The following LHFPL3 variants were observed in gnomAD, a reference collection of about 807,000 sequenced individuals.
LHFPL3 encodes LHFPL tetraspan subfamily member 3 protein.
A neutral mutation model predicts 19.3 loss-of-function variants in LHFPL3; 5 were observed. The ratio of observed to expected loss-of-function variants is 0.26; its 90% CI spans 0.14 to 0.54. The LOEUF is 0.54. Ranked by LOEUF, LHFPL3 falls within the 20% of genes least tolerant of loss-of-function variation. The probability of loss-of-function intolerance (pLI) is 0.94; values close to 1 mark genes in which losing one functional copy is unlikely to be tolerated. For missense variants in LHFPL3, 249 were observed against 307.4 expected (o/e 0.81, Z 1.42); for synonymous variants, 133 against 126.2 (o/e 1.05, Z -0.36).
At chr7:104,880,611 C>T (rs1431620939) in intron 2 of LHFPL3, among the ~76,000 whole-genome samples, 6 of 151,570 alleles carry the variant, frequency 4.0e-5, no homozygotes, top group Non-Finnish European at 8.8e-5. Flanking sequence ...GGTGACAGCA[C>T]ATCTCTTTAC....
chr7:104,831,985 C>T (rs1790961387), intron 2 of LHFPL3, among the ~76,000 whole-genome samples: 1 of 151,922 alleles, frequency 6.6e-6, no homozygotes, highest in African/African-American at 2.4e-5. Flanking sequence ...CCTGATTAGT[C>T]CTACAATCAT....
chr7:104,796,627 G>A (rs1386672928), intron 2 of LHFPL3: 1 of 152,486 alleles, frequency 6.6e-6, no homozygotes, highest in African/African-American at 2.4e-5. Context: ...GGAAGGACAT[G>A]ACAGGAAATC....
chr7:104,807,487 G>A (rs1214861429), intron 2 of LHFPL3, among the ~76,000 whole-genome samples: 3 of 152,126 alleles, frequency 2.0e-5, no homozygotes, highest in African/African-American at 4.8e-5. Context: ...AAATGTATAC[G>A]ACTCCAACTC....
Position 104,542,679 on chromosome 7 carries a change from C to T in LHFPL3, c.446-193996C>T, listed in dbSNP as rs79226345. 6.3e-3 allele frequency among the ~76,000 whole-genome samples: 953 copies of T among 152,230 alleles called. 13 individuals carry two copies. Among genetic ancestry groups the T allele is most frequent in the African/African-American group, 0.022 (916 of 41,542 alleles). On this transcript the variant is annotated intron_variant, in intron 1 of 2. Transcript: ENST00000424859. ...ATCGCAGGTGAGAAGTTGCTAAAAC[C>T]ACCCAGTGCATGGGGGGAGAGAAAA...
Position 104,499,759 on chromosome 7 carries a change from C to G in LHFPL3, c.445+170535C>G, listed in dbSNP as rs186784792. 9.3e-4 allele frequency among the ~76,000 whole-genome samples: 142 copies of G among 152,198 alleles called. 1 individual carries two copies. In the Middle Eastern group the frequency reaches 0.01, roughly 11 times the overall value. ...TAATGATCTCATCCATATTTTGAAG[C>G]AAGTTAATAAAATGCATGCAGTTAT... On this transcript the variant is annotated intron_variant, in intron 1 of 2. Transcript: ENST00000424859.
intron 1 of LHFPL3, among the ~76,000 whole-genome samples, chr7:104,338,190 C>T (rs972368352): frequency 2.1e-5 from 3 of 139,900 alleles, no homozygotes; most frequent in African/African-American, 8.2e-5. Context: ...GCTCCGCCTT[C>T]TGGGTTCACA....
intron 2 of LHFPL3, among the ~76,000 whole-genome samples, chr7:104,822,166 A>G (rs1256540182): frequency 6.6e-6 from 1 of 152,170 alleles, no homozygotes; most frequent in Non-Finnish European, 1.5e-5. Flanking sequence ...TCAATAGCCC[A>G]AGGTTCATAC....
At chr7:104,524,384 A>C (rs886285549) in intron 1 of LHFPL3, among the ~76,000 whole-genome samples, 3 of 152,190 alleles carry the variant, frequency 2.0e-5, no homozygotes, top group Non-Finnish European at 4.4e-5. Flanking sequence ...GGCTTAAAGC[A>C]TGCAACTCAT....
At chr7:104,702,336 T>C (rs1469003073) in intron 1 of LHFPL3, among the ~76,000 whole-genome samples, 3 of 152,178 alleles carry the variant, frequency 2.0e-5, no homozygotes, top group Non-Finnish European at 4.4e-5. Context: ...CTGCATTATT[T>C]TGGATTCCTT....
chr7:104,339,130 C>T (rs1332162264), intron 1 of LHFPL3, among the ~76,000 whole-genome samples: 1 of 152,098 alleles, frequency 6.6e-6, no homozygotes, highest in African/African-American at 2.4e-5. Context: ...TGCCTGTAAT[C>T]CCAGCTACTC....
At chr7:104,458,725 T>TAA (rs56023324) in intron 1 of LHFPL3, among the ~76,000 whole-genome samples, 11,559 of 143,008 alleles carry the variant, frequency 0.081, 474 homozygotes, top group Middle Eastern at 0.096. Context: ...CTTTCTTTCT[T>TAA]AAAAAAAAAA....
intron 2 of LHFPL3, among the ~76,000 whole-genome samples, chr7:104,784,161 A>G (rs1789868649): frequency 6.6e-6 from 1 of 152,218 alleles, no homozygotes; most frequent in African/African-American, 2.4e-5. Context: ...ACTGACTCTC[A>G]ATCTTTAAAT....
intron 1 of LHFPL3, among the ~76,000 whole-genome samples, chr7:104,354,290 T>G (rs1265412307): frequency 2.6e-5 from 4 of 152,260 alleles, no homozygotes; most frequent in Non-Finnish European, 5.9e-5. Context: ...TCCATTGCCC[T>G]GGCAACAGAT....
intron 1 of LHFPL3, among the ~76,000 whole-genome samples, chr7:104,332,396 A>AT (rs1317771232): frequency 2.0e-5 from 3 of 151,366 alleles, no homozygotes; most frequent in South Asian, 2.1e-4. Flanking sequence ...CACCAGGCTA[A>AT]TTTTTTGTAT....
chr7:104,460,661 C>G (rs1377431109), intron 1 of LHFPL3, among the ~76,000 whole-genome samples: 2 of 151,950 alleles, frequency 1.3e-5, no homozygotes, highest in East Asian at 3.9e-4. Flanking sequence ...TGAAAAGTGT[C>G]TTTTCATGTC....
intron 1 of LHFPL3, among the ~76,000 whole-genome samples, chr7:104,469,583 T>G (rs1433217347): frequency 6.6e-6 from 1 of 152,220 alleles, no homozygotes; most frequent in Non-Finnish European, 1.5e-5. Context: ...GGCAGCTAAA[T>G]GAAAATTTGC....
Position 104,348,024 on chromosome 7 carries a change from C to A in LHFPL3, c.445+18800C>A, listed in dbSNP as rs116245160. Among the ~76,000 whole-genome samples, 1,030 of 152,150 alleles carry A rather than the reference C, an allele frequency of 6.8e-3. 11 individuals are homozygous for A. Among genetic ancestry groups the A allele is most frequent in the African/African-American group, 0.024 (978 of 41,506 alleles). On this transcript the variant is annotated intron_variant, in intron 1 of 2. Coordinates refer to ENST00000424859, the MANE Select transcript of LHFPL3 (RefSeq NM_199000.3). ...TCTTTATAGAGAAAGGGTTAACATA[C>A]TGATTTTTCCCACAGAGTCAGTGCA...
chr7:104,586,759 A>G (rs924369410), intron 1 of LHFPL3, among the ~76,000 whole-genome samples: 6 of 152,202 alleles, frequency 3.9e-5, no homozygotes, highest in African/African-American at 9.6e-5. Context: ...TATTGACTCA[A>G]TAAACAGGTG....
At chr7:104,761,052 GA>G (rs2116370642) in intron 2 of LHFPL3, among the ~76,000 whole-genome samples, 1 of 152,226 alleles carries the variant, frequency 6.6e-6, no homozygotes, top group African/African-American at 2.4e-5. Context: ...ATGAAAAATG[GA>G]AAAGTCATCT....
Sources: allele counts gnomAD v4.1 joint callset (sites outside exome capture counted in the v4.1 genomes callset), GRCh38; gene constraint gnomAD v4.1.1; transcripts MANE v1.5; gene names NCBI Gene and HGNC (gene_info 2026-07-23, HGNC 2026-07-21).